GRID2: variants seen among roughly 807,000 people sequenced by gnomAD.
GRID2 encodes the protein glutamate ionotropic receptor delta type subunit 2, also known as glutamate receptor ionotropic, delta-2.
Under a neutral mutation model 114.8 loss-of-function variants are expected in GRID2, and 33 were observed. That is an observed-to-expected ratio of 0.29 (90% CI 0.22 to 0.38). The LOEUF (loss-of-function observed/expected upper bound fraction) is 0.38, where lower values mean the gene tolerates loss of function less well. Ranked by LOEUF, GRID2 falls within the 10% of genes least tolerant of loss-of-function variation. The probability of loss-of-function intolerance (pLI) is 1.00; values close to 1 mark genes in which losing one functional copy is unlikely to be tolerated. For synonymous variants in GRID2, 505 were observed against 449.9 expected (o/e 1.12, Z -1.55); for missense variants, 1,184 against 1,257.7 (o/e 0.94, Z 0.89).
chr4:93,616,632 A>G (rs1444629157), intron 13 of GRID2, among the ~76,000 whole-genome samples: 1 of 148,590 alleles, frequency 6.7e-6, no homozygotes, highest in Non-Finnish European at 1.5e-5. Flanking sequence ...ATATAAAAAA[A>G]AGTTTATAGA....
At chr4:92,870,228 C>A (rs1319170471) in intron 2 of GRID2, among the ~76,000 whole-genome samples, 1 of 151,010 alleles carries the variant, frequency 6.6e-6, no homozygotes, top group Non-Finnish European at 1.5e-5. Flanking sequence ...ACCATAATGT[C>A]TATAAACTAT....
At chr4:92,430,571 G>C (rs1476947469) in intron 1 of GRID2, among the ~76,000 whole-genome samples, 1 of 151,990 alleles carries the variant, frequency 6.6e-6, no homozygotes, top group Non-Finnish European at 1.5e-5. Flanking sequence ...TTTTTGCTTA[G>C]GATAGCTTTA....
intron 2 of GRID2, among the ~76,000 whole-genome samples, chr4:92,613,971 T>G (rs1275015440): frequency 2.0e-5 from 3 of 151,554 alleles, no homozygotes; most frequent in Non-Finnish European, 3.0e-5. Flanking sequence ...ATACATATAA[T>G]ATATAGTGAT....
chr4:93,117,202 T>C (rs1418314851), intron 4 of GRID2, among the ~76,000 whole-genome samples: 1 of 152,164 alleles, frequency 6.6e-6, no homozygotes, highest in East Asian at 1.9e-4. Flanking sequence ...TATGGTTATT[T>C]TACTGGAGGT....
chr4:92,848,298 A>C (rs897632958), intron 2 of GRID2, among the ~76,000 whole-genome samples: 3 of 151,502 alleles, frequency 2.0e-5, no homozygotes, highest in African/African-American at 7.3e-5. Flanking sequence ...CTTAATGTAG[A>C]GACACAAGTT....
rs187763436 is a variant in GRID2 at position 92,659,952 on chromosome 4, A to G, written c.244+69666A>G. Among the ~76,000 whole-genome samples, 28 of 151,602 alleles carry G rather than the reference A, an allele frequency of 1.8e-4. 1 individual carries two copies. In the East Asian group the frequency reaches 5.2e-3, roughly 28 times the overall value. ...TAGATGCACATCCTTTCTTATAAAC[A>G]ATTCTAACACTGAACGTTAACGTTC... On this transcript the variant is annotated intron_variant, in intron 2 of 15. Coordinates refer to ENST00000282020, the MANE Select transcript of GRID2 (RefSeq NM_001510.4).
intron 1 of GRID2, among the ~76,000 whole-genome samples, chr4:92,327,096 T>C (rs151226308): frequency 1.1e-4 from 16 of 152,122 alleles, no homozygotes; most frequent in African/African-American, 3.4e-4. Flanking sequence ...TTTCTTCTAC[T>C]GAGTGGTCAT....
chr4:92,521,431 AAAAT>A (rs1203541078), intron 1 of GRID2, among the ~76,000 whole-genome samples: 2 of 152,106 alleles, frequency 1.3e-5, no homozygotes, highest in East Asian at 1.9e-4. Flanking sequence ...AAGATTTGCT[AAAAT>A]AAATGAGTTA....
At chr4:92,397,543 T>A (rs2110273339) in intron 1 of GRID2, among the ~76,000 whole-genome samples, 1 of 152,182 alleles carries the variant, frequency 6.6e-6, no homozygotes, top group African/African-American at 2.4e-5. Context: ...AGAAATTATT[T>A]ATGTCACCCA....
intron 1 of GRID2, among the ~76,000 whole-genome samples, chr4:92,388,082 A>G (rs986041669): frequency 1.3e-5 from 2 of 152,084 alleles, no homozygotes; most frequent in Non-Finnish European, 2.9e-5. Flanking sequence ...ATTTCCTACC[A>G]GCACTGCCTG....
chr4:93,324,493 G>A (rs1021109655), intron 8 of GRID2, among the ~76,000 whole-genome samples: 2 of 152,092 alleles, frequency 1.3e-5, no homozygotes, highest in Non-Finnish European at 2.9e-5. Flanking sequence ...TGGTCTAAAA[G>A]TCTCTTTTTT....
intron 4 of GRID2, among the ~76,000 whole-genome samples, chr4:93,157,199 G>A (rs1737267410): frequency 6.6e-6 from 1 of 151,552 alleles, no homozygotes; most frequent in South Asian, 2.1e-4. Context: ...TCAAATTCCT[G>A]CTTCATACTC....
chr4:93,358,036 A>G (rs1212244095), intron 8 of GRID2, among the ~76,000 whole-genome samples: 3 of 151,790 alleles, frequency 2.0e-5, no homozygotes, highest in African/African-American at 4.8e-5. Flanking sequence ...TTTATAATTA[A>G]TGATGTTTAC....
chr4:92,549,122 CAAAAA>C (rs35094573), intron 1 of GRID2, among the ~76,000 whole-genome samples: 1 of 112,024 alleles, frequency 8.9e-6, no homozygotes, highest in Non-Finnish European at 1.9e-5. Context: ...AGGTCTTCCG[CAAAAA>C]AAAAAAAAAA....
chr4:93,561,634 C>T (rs1056856582), intron 13 of GRID2, among the ~76,000 whole-genome samples: 2 of 152,080 alleles, frequency 1.3e-5, no homozygotes, highest in African/African-American at 2.4e-5. Context: ...CACTGTTATA[C>T]TACCATACAG....
At chr4:93,524,370 C>A (rs1730625183) in intron 13 of GRID2, among the ~76,000 whole-genome samples, 1 of 152,062 alleles carries the variant, frequency 6.6e-6, no homozygotes, top group African/African-American at 2.4e-5. Context: ...ATTTTCTGCT[C>A]TCTAGAAATC....
intron 2 of GRID2, among the ~76,000 whole-genome samples, chr4:93,054,517 A>G (rs1042381243): frequency 6.6e-6 from 1 of 151,814 alleles, no homozygotes; most frequent in African/African-American, 2.4e-5. Context: ...TGATTTGTTG[A>G]CAAATTTGGA....
chr4:93,090,565 A>G (rs1730697881), intron 3 of GRID2, among the ~76,000 whole-genome samples: 1 of 152,190 alleles, frequency 6.6e-6, no homozygotes, highest in African/African-American at 2.4e-5. Flanking sequence ...ATAGTAGGAT[A>G]AACTGCCCAC....
intron 13 of GRID2, among the ~76,000 whole-genome samples, chr4:93,621,212 A>T (rs1471410638): frequency 2.0e-5 from 3 of 152,288 alleles, no homozygotes; most frequent in East Asian, 1.9e-4. Context: ...GAAGTGAGAA[A>T]TTTATCACGG....
Sources: allele counts gnomAD v4.1 joint callset (sites outside exome capture counted in the v4.1 genomes callset), GRCh38; gene constraint gnomAD v4.1.1; transcripts MANE v1.5; gene names NCBI Gene and HGNC (gene_info 2026-07-23, HGNC 2026-07-21).